VAMP4: variants seen among roughly 807,000 people sequenced by gnomAD.
VAMP4 encodes vesicle-associated membrane protein 4.
A neutral mutation model predicts 23.5 loss-of-function variants in VAMP4; 19 were observed. The observed-to-expected ratio is 0.81, with a 90% CI of 0.56 to 1.19. VAMP4 has a LOEUF of 1.19. Ranked by LOEUF, VAMP4 falls within the 50% of genes most tolerant of loss-of-function variation. The probability of loss-of-function intolerance (pLI) is 0.00; values close to 1 mark genes in which losing one functional copy is unlikely to be tolerated. For synonymous variants in VAMP4, 31 were observed against 51.0 expected (o/e 0.61, Z 1.67); for missense variants, 145 against 168.6 (o/e 0.86, Z 0.78).
rs1158658550 is a variant in VAMP4 at position 171,702,714 on chromosome 1, C to T, written c.*1792G>A. 2.0e-5 allele frequency: 3 copies of T among 151,968 alleles called. No individual in the cohort carries two copies. Among genetic ancestry groups the T allele is most frequent in the Non-Finnish European group, 2.9e-5 (2 of 67,862 alleles). 9.4% of individuals were successfully genotyped at this position (151,968 alleles called of 1,614,324 possible). On this transcript the variant is annotated 3_prime_UTR_variant, in exon 8 of 8. Coordinates refer to ENST00000236192, the MANE Select transcript of VAMP4 (RefSeq NM_003762.5). ...TGAAATTCTAAAAATGCTCATTTTT[C>T]TGGGTATCTTAACTTAAAAGATTTA...
chr1:171,730,036 A>C (rs1381936706), intron 2 of VAMP4, among the ~76,000 whole-genome samples: 8 of 152,208 alleles, frequency 5.3e-5, no homozygotes, highest in African/African-American at 1.9e-4. Flanking sequence ...GAGCCTAAAA[A>C]GGTAAACAGC....
Position 171,702,829 on chromosome 1 carries a change from A to G in VAMP4, c.*1677T>C, listed in dbSNP as rs766686720. 2.0e-5 allele frequency: 3 copies of G among 152,038 alleles called. No individual in the cohort carries two copies. The highest frequency in any genetic ancestry group is 4.4e-5 in the Non-Finnish European group (3 of 67,892). 9.4% of individuals were successfully genotyped at this position (152,038 alleles called of 1,614,324 possible). On this transcript the variant is annotated 3_prime_UTR_variant, in exon 8 of 8. Transcript: ENST00000236192. ...ATACACTATAGTATGTAAGACCTTTATCTCCTTCTAAATGCTCTAAGCAAA... is the reference window on the plus strand; with the variant it reads ...ATACACTATAGTATGTAAGACCTTTGTCTCCTTCTAAATGCTCTAAGCAAA...
At chr1:171,735,483 C>G (rs1655712678) in intron 2 of VAMP4, among the ~76,000 whole-genome samples, 1 of 152,184 alleles carries the variant, frequency 6.6e-6, no homozygotes, top group Non-Finnish European at 1.5e-5. Context: ...TACACAAAGG[C>G]AGATGTGACT....
At chr1:171,730,125 A>G (rs927394333) in intron 2 of VAMP4, among the ~76,000 whole-genome samples, 1 of 152,214 alleles carries the variant, frequency 6.6e-6, no homozygotes, top group Non-Finnish European at 1.5e-5. Flanking sequence ...TGGCACCTTG[A>G]TTTTAGCCCT....
intron 4 of VAMP4, among the ~76,000 whole-genome samples, chr1:171,712,406 A>C (rs1572241417): frequency 6.6e-6 from 1 of 152,314 alleles, no homozygotes; most frequent in East Asian, 1.9e-4. Context: ...TATAAAAACA[A>C]AATGAAGGCC....
chr1:171,718,940 G>C (rs1461703544), intron 4 of VAMP4, among the ~76,000 whole-genome samples: 1 of 152,122 alleles, frequency 6.6e-6, no homozygotes, highest in Admixed American at 6.6e-5. Flanking sequence ...AGATATTTTA[G>C]ATTTTGTGGG....
Position 171,721,683 on chromosome 1 carries a change from C to A in VAMP4, c.114-2462G>T, listed in dbSNP as rs548232202. ...CTTCAAAGAGAATAAAATACCTAGG[C>A]ATCCAACTTACAATGGATGTGAAGG... On this transcript the variant is annotated intron_variant, in intron 3 of 7. Coordinates refer to ENST00000236192, the MANE Select transcript of VAMP4 (RefSeq NM_003762.5). 4.1e-4 allele frequency among the ~76,000 whole-genome samples: 62 copies of A among 152,114 alleles called. No individual in the cohort carries two copies. The South Asian group carries it at 6.4e-3, about 16-fold the overall frequency.
At chr1:171,739,678 T>C (rs1436935027) in intron 1 of VAMP4, among the ~76,000 whole-genome samples, 1 of 152,122 alleles carries the variant, frequency 6.6e-6, no homozygotes, top group Admixed American at 6.6e-5. Context: ...AGAATTGAAT[T>C]AGAGGACACC....
chr1:171,718,675 G>A (rs1655095100), intron 4 of VAMP4, among the ~76,000 whole-genome samples: 1 of 152,018 alleles, frequency 6.6e-6, no homozygotes, highest in Admixed American at 6.6e-5. Context: ...ACAAATTAAA[G>A]CTATTATATT....
At chr1:171,727,702 C>G (rs1474776902) in intron 3 of VAMP4, among the ~76,000 whole-genome samples, 3 of 152,082 alleles carry the variant, frequency 2.0e-5, no homozygotes, top group African/African-American at 4.8e-5. Context: ...CCCAAAAATC[C>G]ACACATAAGT....
chr1:171,733,720 T>G (rs1478733980), intron 2 of VAMP4, among the ~76,000 whole-genome samples: 1 of 152,184 alleles, frequency 6.6e-6, no homozygotes, highest in Non-Finnish European at 1.5e-5. Flanking sequence ...TCATCATACA[T>G]TGCCGGTGAG....
intron 2 of VAMP4, among the ~76,000 whole-genome samples, chr1:171,738,051 C>G (rs1439140218): frequency 1.3e-5 from 2 of 152,146 alleles, no homozygotes; most frequent in African/African-American, 4.8e-5. Flanking sequence ...TCACCACAGC[C>G]TTCATCTCCC....
chr1:171,725,695 A>ATTT (rs879408944), intron 3 of VAMP4, among the ~76,000 whole-genome samples: 1 of 144,566 alleles, frequency 6.9e-6, no homozygotes, highest in East Asian at 2.0e-4. Context: ...GTTTCCATTA[A>ATTT]TTTTTTTTTT....
At chr1:171,712,656 C>G (rs1165108433) in intron 4 of VAMP4, among the ~76,000 whole-genome samples, 1 of 152,178 alleles carries the variant, frequency 6.6e-6, no homozygotes, top group African/African-American at 2.4e-5. Context: ...TCTGCCCAAA[C>G]AAATCTGAAA....
intron 3 of VAMP4, among the ~76,000 whole-genome samples, 166 bp downstream of exon 3, chr1:171,728,358 G>A (rs919359496): frequency 3.3e-5 from 5 of 152,098 alleles, no homozygotes; most frequent in African/African-American, 7.2e-5. Flanking sequence ...ATGTCACAAC[G>A]TGCTACTCTC....
chr1:171,741,531 G>A (rs1401897770), intron 1 of VAMP4, among the ~76,000 whole-genome samples: 1 of 146,228 alleles, frequency 6.8e-6, no homozygotes, highest in Non-Finnish European at 1.5e-5. Flanking sequence ...GTCACACCAG[G>A]CCACGTCCCA....
chr1:171,723,089 G>A (rs530405525), intron 3 of VAMP4, among the ~76,000 whole-genome samples: 54 of 152,252 alleles, frequency 3.5e-4, no homozygotes, highest in African/African-American at 1.3e-3. Context: ...GCCCCCCTAC[G>A]CCGCAAAACC....
intron 7 of VAMP4, among the ~76,000 whole-genome samples, chr1:171,704,902 GTA>G (rs921655027): frequency 6.6e-6 from 1 of 151,800 alleles, no homozygotes; most frequent in African/African-American, 2.4e-5. Context: ...GAAAAGAGAA[GTA>G]TATATAATAG....
In VAMP4 at chr1:171,738,334, A is replaced by C. The variant is rs1246013518; in HGVS notation, c.66+15T>G. ...TTGAATCTTTTGTTTTTAAAGCTTAAGATTCCGAACTTACCCTTTCACTTT... is the reference window on the plus strand; with the variant it reads ...TTGAATCTTTTGTTTTTAAAGCTTACGATTCCGAACTTACCCTTTCACTTT... On this transcript the variant is annotated intron_variant, in intron 2 of 7. Transcript: ENST00000236192. 3.7e-6 allele frequency: 6 copies of C among 1,612,678 alleles called. No individual in the cohort carries two copies. The highest frequency in any genetic ancestry group is 5.1e-6 in the Non-Finnish European group (6 of 1,179,446).
Sources: allele counts gnomAD v4.1 joint callset (sites outside exome capture counted in the v4.1 genomes callset), GRCh38; gene constraint gnomAD v4.1.1; transcripts MANE v1.5; gene names NCBI Gene and HGNC (gene_info 2026-07-23, HGNC 2026-07-21).